The following KIT variants were observed in gnomAD, a reference collection of about 807,000 sequenced individuals.
The protein encoded by KIT is mast/stem cell growth factor receptor Kit.
Under a neutral mutation model 105.7 loss-of-function variants are expected in KIT, and 16 were observed. The ratio of observed to expected loss-of-function variants is 0.15; its 90% confidence interval spans 0.10 to 0.23. The LOEUF is 0.23. KIT is among the 10% of genes least tolerant of loss of function. The pLI, the probability that KIT is intolerant of heterozygous loss-of-function variation, is 1.00. For synonymous variants in KIT, 438 were observed against 441.1 expected, an observed-to-expected ratio of 0.99 and a Z score of 0.09; for missense variants, 858 against 1,213.8, an observed-to-expected ratio of 0.71 and a Z score of 4.36.
rs114004473 is a variant in KIT at position 54,699,292 on chromosome 4, G to T, written c.620-338G>T. On this transcript the variant is annotated intron_variant, in intron 3 of 20. Coordinates refer to ENST00000288135, the MANE Select transcript of KIT (RefSeq NM_000222.3). ...GCTTAAAAGAATATAAGTAGTTGTT[G>T]GTCACATCCTCCTGACACCATCAAG... Among the ~76,000 whole-genome samples, 731 of 152,148 alleles carry T rather than the reference G, an allele frequency of 4.8e-3. 9 individuals carry two copies. Among genetic ancestry groups the T allele is most frequent in the African/African-American group, 0.017 (688 of 41,522 alleles).
chr4:54,664,542 C>A (rs544844699), intron 1 of KIT, among the ~76,000 whole-genome samples: 1 of 152,222 alleles, frequency 6.6e-6, no homozygotes, highest in East Asian at 1.9e-4. Context: ...TGGACACTCC[C>A]TTGCTGTGGG....
rs1060502567 is a variant in KIT, at chr4:54,695,736, A to T, written c.292A>T (p.Thr98Ser). 3 of 1,614,258 alleles carry T rather than the reference A, an allele frequency of 1.9e-6. No individual in the cohort carries two copies. The Admixed American group carries it at 5.0e-5, about 27-fold the overall frequency. ...CACCAACACCGGCAAATACACGTGCACCAACAAACACGGCTTAAGCAATTC... is the reference window on the plus strand; with the variant it reads ...CACCAACACCGGCAAATACACGTGCTCCAACAAACACGGCTTAAGCAATTC... Reference protein sequence around the residue: ...EATNTGKYTCTNKHGLSNSIY... With the variant: ...EATNTGKYTCSNKHGLSNSIY... Residue 98 changes from threonine (T) to serine (S), a missense_variant, in exon 2 of 21, where the codon ACC (threonine) becomes TCC (serine). Physicochemically the swap from Thr to Ser is moderately conservative, Grantham distance 58 (BLOSUM62 1). This residue lies in a region of KIT where 401 missense variants were observed against 601.0 expected (regional missense o/e 0.67). Transcript: ENST00000288135.
chr4:54,726,068 C>G lies in KIT; in HGVS notation c.1540+18C>G, dbSNP rs1037537544. ...CAACAAAGGTATATTTCTTTTTAAT[C>G]CAATTTAAGGGGATGTTTAGGCTCT... On this transcript the variant is annotated intron_variant, in intron 9 of 20. Transcript: ENST00000288135. 1 of 1,594,320 alleles carries G rather than the reference C, an allele frequency of 6.3e-7. No individual in the cohort carries two copies. Among genetic ancestry groups the G allele is most frequent in the Middle Eastern group, 1.7e-4 (1 of 6,012 alleles).
At chr4:54,730,086 A>G (rs1722493121) in intron 14 of KIT, among the ~76,000 whole-genome samples, 1 of 152,162 alleles carries the variant, frequency 6.6e-6, no homozygotes, top group Admixed American at 6.6e-5. Flanking sequence ...CATTGATGCC[A>G]TTCTGAATTT....
chr4:54,723,230 C>A (rs1261250874), intron 7 of KIT, among the ~76,000 whole-genome samples: 2 of 152,114 alleles, frequency 1.3e-5, no homozygotes, highest in Non-Finnish European at 2.9e-5. Flanking sequence ...TGGCAGGAAT[C>A]CTTTAAAGTA....
At chr4:54,715,727 T>C (rs980907099) in intron 7 of KIT, among the ~76,000 whole-genome samples, 1 of 152,156 alleles carries the variant, frequency 6.6e-6, no homozygotes, top group Non-Finnish European at 1.5e-5. Context: ...TTTTTAAACA[T>C]GAGATTTGAA....
intron 1 of KIT, among the ~76,000 whole-genome samples, chr4:54,690,403 C>T (rs78582763): frequency 0.018 from 2,784 of 152,256 alleles, 76 homozygotes; most frequent in African/African-American, 0.061. Flanking sequence ...TGTTTGAGAG[C>T]GAAGGCCATT....
intron 2 of KIT, 197 bp downstream of exon 2, chr4:54,695,978 G>A: frequency 4.7e-6 from 3 of 640,656 alleles, no homozygotes; most frequent in Non-Finnish European, 8.1e-6. Flanking sequence ...GGCCCCAGCT[G>A]GAGGACTGCA....
chr4:54,706,618 T>G (rs1720809361), intron 5 of KIT, among the ~76,000 whole-genome samples: 1 of 152,176 alleles, frequency 6.6e-6, no homozygotes, highest in Non-Finnish European at 1.5e-5. Flanking sequence ...CTCTTTGATT[T>G]ATCTGTGATA....
At chr4:54,700,630 G>A (rs547906389) in intron 4 of KIT, among the ~76,000 whole-genome samples, 1 of 152,276 alleles carries the variant, frequency 6.6e-6, no homozygotes, top group South Asian at 2.1e-4. Context: ...CATTACCCAT[G>A]CAAGCATTAT....
intron 1 of KIT, among the ~76,000 whole-genome samples, chr4:54,661,582 T>G (rs555521873): frequency 1.2e-4 from 19 of 152,352 alleles, no homozygotes; most frequent in African/African-American, 4.6e-4. Flanking sequence ...GTTTAAGAGT[T>G]GGCAGGCTAG....
At position 54,703,692 on chromosome 4, in the gene KIT, C is replaced by T. The variant is rs774060921; in HGVS notation, c.757-32C>T. 42 of 1,566,578 alleles carry T rather than the reference C, an allele frequency of 2.7e-5. 3 individuals carry two copies. The South Asian group carries it at 3.7e-4, about 14-fold the overall frequency. On this transcript the variant is annotated intron_variant, in intron 4 of 20. Transcript: ENST00000288135. ...TGAATATAAATTATATGGTAATCTT[C>T]ATTTTTTTTTCTCCTTTTCTGAAAC...
Position 54,739,154 on chromosome 4 carries a change from C to T in KIT, c.*597C>T, listed in dbSNP as rs746982052. ...ACCACTGCATGAGCTTTTATACTAC[C>T]GACCTGGTTTTTAAATAGAGTTTGC... On this transcript the variant is annotated 3_prime_UTR_variant, in exon 21 of 21. Coordinates refer to ENST00000288135, the MANE Select transcript of KIT (RefSeq NM_000222.3). 54 of 332,282 alleles carry T rather than the reference C, an allele frequency of 1.6e-4. No homozygotes were observed. Among genetic ancestry groups the T allele is most frequent in the East Asian group, 5.7e-4 (13 of 22,922 alleles). The allele number at this position is 332,282 out of a possible 1,614,324, so 20.6% of individuals were successfully genotyped here.
chr4:54,688,741 G>A (rs1426083763), intron 1 of KIT, among the ~76,000 whole-genome samples: 1 of 151,554 alleles, frequency 6.6e-6, no homozygotes, highest in Non-Finnish European at 1.5e-5. Flanking sequence ...AAATACTACA[G>A]GTATGCTTTG....
chr4:54,710,363 T>C (rs1046053616), intron 7 of KIT, among the ~76,000 whole-genome samples: 27 of 152,164 alleles, frequency 1.8e-4, no homozygotes, highest in Non-Finnish European at 3.4e-4. Context: ...AAATGACTAT[T>C]GGAATTGGCT....
At position 54,678,260 on chromosome 4, in the gene KIT, A is replaced by G. The variant is rs941353798; in HGVS notation, c.68-17252A>G. 2.7e-5 allele frequency among the ~76,000 whole-genome samples: 4 copies of G among 150,682 alleles called. No individual in the cohort carries two copies. The East Asian group carries it at 7.8e-4, about 30-fold the overall frequency. On this transcript the variant is annotated intron_variant, in intron 1 of 20. Coordinates refer to ENST00000288135, the MANE Select transcript of KIT (RefSeq NM_000222.3). ...TCTTCATCAGCTGCCATTTTTCTTC[A>G]TAGCTTCAATGCATTCCATGGCTGG...
rs1720219620 is a variant in KIT at position 54,698,320 on chromosome 4, A to T, written c.374A>T (p.Tyr125Phe). ...CTTTTCCTTGTTGACCGCTCCTTGT[A>T]TGGGAAAGAAGACAACGACACGCTG... ...AKLFLVDRSL[Y>F]GKEDNDTLVR... Residue 125 changes from tyrosine (Y) to phenylalanine (F), a missense_variant, in exon 3 of 21, where the codon TAT becomes TTT. Physicochemically the swap from Tyr to Phe is conservative, Grantham distance 22. This residue lies in a region of KIT where 401 missense variants were observed against 601.0 expected (regional missense o/e 0.67). Coordinates refer to ENST00000288135, the MANE Select transcript of KIT (RefSeq NM_000222.3). 1 of 1,614,002 alleles carries T rather than the reference A, an allele frequency of 6.2e-7. No individual in the cohort carries two copies. The highest frequency in any genetic ancestry group is 8.5e-7 in the Non-Finnish European group (1 of 1,179,958).
Position 54,657,961 on chromosome 4 carries a change from T to C in KIT, c.-54T>C, listed in dbSNP as rs1716927081. The C allele has an allele frequency of 6.3e-7, 1 of 1,582,922 alleles. No homozygotes were observed. The highest frequency in any genetic ancestry group is 1.7e-5 in the Admixed American group (1 of 59,232). ...CTCGGCTTTGCCGCGCTCGCTGCAC[T>C]TGGGCGAGAGCTGGAACGTGGACCA... On this transcript the variant is annotated 5_prime_UTR_variant, in exon 1 of 21. Coordinates refer to ENST00000288135, the MANE Select transcript of KIT (RefSeq NM_000222.3).
chr4:54,660,334 C>G (rs1175310445), intron 1 of KIT, among the ~76,000 whole-genome samples: 1 of 152,120 alleles, frequency 6.6e-6, no homozygotes, highest in Non-Finnish European at 1.5e-5. Flanking sequence ...GATGAACCTG[C>G]TAGGAATAGT....
Sources: gnomAD v4.1 joint callset for allele counts (sites outside exome capture counted in the v4.1 genomes callset) on GRCh38, gnomAD v4.1.1 for gene constraint, gnomAD v4.1.1 regional missense constraint, MANE v1.5 for transcripts, NCBI Gene and HGNC (gene_info 2026-07-23, HGNC 2026-07-21) for gene names.